UBE2K: variants seen among roughly 807,000 people sequenced by gnomAD.
UBE2K encodes the protein ubiquitin-conjugating enzyme E2 K.
In UBE2K, 6 loss-of-function variants were observed where a neutral mutation model predicts 30.0. The ratio of observed to expected loss-of-function variants is 0.20; its 90% CI spans 0.11 to 0.39. The LOEUF is 0.39. Among genes scored for constraint, UBE2K ranks in the 10% least tolerant of loss-of-function variants. The pLI is 1.00. For missense variants in UBE2K, 61 were observed against 241.6 expected (o/e 0.25, Z 4.96); for synonymous variants, 86 against 83.7 (o/e 1.03, Z -0.15).
rs1712530090 is a variant in UBE2K at position 39,768,794 on chromosome 4, A to G, written c.300-6040A>G. Among the ~76,000 whole-genome samples, 4 of 151,972 alleles carry G rather than the reference A, an allele frequency of 2.6e-5. No individual in the cohort carries two copies. The South Asian group carries it at 6.2e-4, about 24-fold the overall frequency. On this transcript the variant is annotated intron_variant, in intron 4 of 6. Transcript: ENST00000261427. ...TCCTTTCCTTTACATCATCACCAAC[A>G]CTTGTTCATTGTTTTTATAGTAGCC...
In UBE2K at chr4:39,772,508, A is replaced by G. The variant is rs75717008; in HGVS notation, c.300-2326A>G. On this transcript the variant is annotated intron_variant, in intron 4 of 6. Transcript: ENST00000261427. The stretch of plus-strand genomic sequence containing the variant: ...GAGAATCACCTGAGCCAAAGAGGTC[A>G]AGGCTACAGTGAGCCTTGATTGTAC... Among the ~76,000 whole-genome samples the G allele has an allele frequency of 4.0e-3, 606 of 152,048 alleles. 4 individuals are homozygous for G. Among genetic ancestry groups the G allele is most frequent in the African/African-American group, 0.014 (572 of 41,468 alleles).
rs1341250945 is a variant in UBE2K, at chr4:39,698,245, G to A, written c.-83G>A. 1 of 1,338,636 alleles carries A rather than the reference G, an allele frequency of 7.5e-7. No homozygotes were observed. The highest frequency in any genetic ancestry group is 1.1e-6 in the Non-Finnish European group (1 of 947,152). 82.9% of individuals were successfully genotyped at this position (1,338,636 alleles called of 1,614,324 possible). On this transcript the variant is annotated 5_prime_UTR_variant, in exon 1 of 7. Coordinates refer to ENST00000261427, the MANE Select transcript of UBE2K (RefSeq NM_005339.5). ...CAGGTCTGAATCGCCGAGGGAGGAG[G>A]CGGTGGAGGAAGAGGTGGCGGCGGT...
intron 3 of UBE2K, among the ~76,000 whole-genome samples, chr4:39,754,036 A>AAG (rs201823769): frequency 6.6e-6 from 1 of 152,182 alleles, no homozygotes. Context: ...CTCAAAAAAA[A>AAG]AGAGAGAGAG....
chr4:39,752,325 C>CTTT (rs1401945401), intron 3 of UBE2K, among the ~76,000 whole-genome samples: 4 of 63,302 alleles, frequency 6.3e-5, no homozygotes, highest in African/African-American at 1.2e-4. Context: ...TTTTTTTTTT[C>CTTT]TTTTTTTTTC....
At chr4:39,774,596 G>A (rs538447093) in intron 4 of UBE2K, among the ~76,000 whole-genome samples, 1 of 152,054 alleles carries the variant, frequency 6.6e-6, no homozygotes, top group South Asian at 2.1e-4. Flanking sequence ...CTGGGCGACA[G>A]AGCCAGACTC....
intron 4 of UBE2K, among the ~76,000 whole-genome samples, chr4:39,773,443 C>T (rs1045511364): frequency 2.0e-5 from 3 of 148,810 alleles, no homozygotes; most frequent in Non-Finnish European, 4.5e-5. Context: ...ACTCCAGCCT[C>T]GGCGGCAGAG....
intron 4 of UBE2K, 145 bp downstream of exon 4, chr4:39,755,884 A>G (rs2109375623): frequency 1.8e-6 from 1 of 554,160 alleles, no homozygotes; most frequent in South Asian, 2.8e-5. Flanking sequence ...TGCATAACTG[A>G]AAATGCATTA....
At chr4:39,774,166 T>C (rs1713129339) in intron 4 of UBE2K, among the ~76,000 whole-genome samples, 1 of 151,190 alleles carries the variant, frequency 6.6e-6, no homozygotes, top group Non-Finnish European at 1.5e-5. Context: ...ATGCTGGGTG[T>C]GGTGGTGTGT....
chr4:39,764,729 AT>A (rs749387094), intron 4 of UBE2K, among the ~76,000 whole-genome samples: 64 of 152,110 alleles, frequency 4.2e-4, no homozygotes, highest in Non-Finnish European at 7.8e-4. Flanking sequence ...CCCCCGGCTG[AT>A]TTCTTTTTCT....
intron 2 of UBE2K, among the ~76,000 whole-genome samples, chr4:39,739,130 C>T (rs998996287): frequency 1.3e-5 from 2 of 151,870 alleles, no homozygotes; most frequent in Non-Finnish European, 2.9e-5. Context: ...TGGATTCACG[C>T]CATTCTCCTG....
At chr4:39,765,805 T>C (rs1239389863) in intron 4 of UBE2K, among the ~76,000 whole-genome samples, 1 of 150,716 alleles carries the variant, frequency 6.6e-6, no homozygotes, top group East Asian at 2.0e-4. Flanking sequence ...GGAGACTCCA[T>C]CTCAAATAAA....
Position 39,771,262 on chromosome 4 carries a change from C to T in UBE2K, c.300-3572C>T, listed in dbSNP as rs931603984. On this transcript the variant is annotated intron_variant, in intron 4 of 6. Coordinates refer to ENST00000261427, the MANE Select transcript of UBE2K (RefSeq NM_005339.5). ...GCTGGGGTTAAGCAGGAACTGGTCC[C>T]GCAGGAACGGTGAGCAGGCGGCTAA... The T allele has an allele frequency of 1.6e-5, 25 of 1,611,516 alleles. No individual in the cohort carries two copies. The Admixed American group carries it at 3.0e-4, about 19-fold the overall frequency.
intron 2 of UBE2K, 87 bp downstream of exon 2, chr4:39,737,600 TTA>T: frequency 1.2e-6 from 1 of 844,218 alleles, no homozygotes; most frequent in Non-Finnish European, 1.8e-6. Context: ...CATCTATAAA[TTA>T]TATGGAGGGT....
chr4:39,716,857 G>A (rs2109320946), intron 1 of UBE2K, among the ~76,000 whole-genome samples: 1 of 152,126 alleles, frequency 6.6e-6, no homozygotes, highest in African/African-American at 2.4e-5. Flanking sequence ...AATTAGTAGG[G>A]CACAGCGGTG....
intron 1 of UBE2K, chr4:39,714,421 G>T: frequency 6.2e-6 from 1 of 160,282 alleles, no homozygotes. Context: ...ACAGCTTTTC[G>T]AGTTGGCTTA....
chr4:39,780,144 A>G lies in UBE2K; in HGVS notation c.*1710A>G, dbSNP rs548731098. The stretch of plus-strand genomic sequence containing the variant: ...GTTTGCTTACGCATGTCTTTATACA[A>G]TCACCTCTTTTTATTGCTGTAGTTT... On this transcript the variant is annotated 3_prime_UTR_variant, in exon 7 of 7. Coordinates refer to ENST00000261427, the MANE Select transcript of UBE2K (RefSeq NM_005339.5). The G allele has an allele frequency of 2.1e-4, 32 of 152,280 alleles. 1 individual carries two copies. The South Asian group carries it at 5.0e-3, about 24-fold the overall frequency. 9.4% of individuals were successfully genotyped at this position (152,280 alleles called of 1,614,324 possible).
rs1258088490 is a variant in UBE2K at position 39,781,025 on chromosome 4, T to A, written c.*2591T>A. On this transcript the variant is annotated 3_prime_UTR_variant, in exon 7 of 7. Coordinates refer to ENST00000261427, the MANE Select transcript of UBE2K (RefSeq NM_005339.5). ...ATGCTCCAGTAGGCTTTTGTTATAA[T>A]CAGGCCTGTTTCCTGAGTATGTGCC... 6.6e-6 allele frequency: 1 copy of A among 152,152 alleles called. No individual in the cohort carries two copies. Among genetic ancestry groups the A allele is most frequent in the African/African-American group, 2.4e-5 (1 of 41,456 alleles). The allele number at this position is 152,152 out of a possible 1,614,324, so 9.4% of individuals were successfully genotyped here.
At chr4:39,729,663 C>T (rs1338133145) in intron 1 of UBE2K, among the ~76,000 whole-genome samples, 1 of 152,024 alleles carries the variant, frequency 6.6e-6, no homozygotes, top group African/African-American at 2.4e-5. Flanking sequence ...TCTAAGAGAC[C>T]CAGATCTGAT....
chr4:39,755,961 T>G (rs556465562), intron 4 of UBE2K, among the ~76,000 whole-genome samples: 28 of 152,358 alleles, frequency 1.8e-4, no homozygotes, highest in African/African-American at 6.7e-4. Flanking sequence ...AGCTTTACAC[T>G]TTGAAAAGCC....
Sources: allele counts gnomAD v4.1 joint callset (sites outside exome capture counted in the v4.1 genomes callset), GRCh38; gene constraint gnomAD v4.1.1; transcripts MANE v1.5; gene names NCBI Gene and HGNC (gene_info 2026-07-23, HGNC 2026-07-21).